The following AMOT variants were observed in gnomAD, a reference collection of about 807,000 sequenced individuals.
The protein encoded by AMOT is angiomotin.
In AMOT, 11 loss-of-function variants were observed where a neutral mutation model predicts 67.0. The observed-to-expected ratio is 0.16, with a 90% CI of 0.10 to 0.27. The LOEUF is 0.27. Among genes scored for constraint, AMOT ranks in the 10% least tolerant of loss-of-function variants. The probability of loss-of-function intolerance (pLI) is 1.00; values close to 1 mark genes in which losing one functional copy is unlikely to be tolerated. For synonymous variants in AMOT, 326 were observed against 321.4 expected (o/e 1.01, Z -0.15); for missense variants, 753 against 852.0 (o/e 0.88, Z 1.45).
intron 1 of AMOT, among the ~76,000 whole-genome samples, chrX:112,838,455 C>A: frequency 8.9e-6 from 1 of 111,812 alleles, no homozygotes; most frequent in Non-Finnish European, 1.9e-5. Flanking sequence ...AATTCTGGCA[C>A]TCAATGGGAC....
chrX:112,835,549 G>C (rs1388558205), intron 1 of AMOT, among the ~76,000 whole-genome samples: 4 of 107,905 alleles, frequency 3.7e-5, no homozygotes, highest in Non-Finnish European at 7.6e-5. Flanking sequence ...TCTAATTTAT[G>C]ATGAGCCACT....
intron 2 of AMOT, among the ~76,000 whole-genome samples, chrX:112,829,617 G>A (rs927654182): frequency 8.9e-6 from 1 of 112,212 alleles, no homozygotes; most frequent in Admixed American, 9.4e-5. Context: ...ATTAGATTAG[G>A]TTGAAAAATT....
intron 8 of AMOT, 49 bp downstream of exon 8, chrX:112,804,898 T>TTGCCCCCCCCCCCCCC: frequency 7.2e-6 from 6 of 837,573 alleles, no homozygotes; most frequent in African/African-American, 2.0e-5. Context: ...GTCCCCGATT[T>TTGCCCCCCCCCCCCCC]CCCAGCCCTC....
chrX:112,812,951 G>A (rs986453959), intron 5 of AMOT, among the ~76,000 whole-genome samples: 7 of 112,993 alleles, frequency 6.2e-5, no homozygotes, highest in Non-Finnish European at 1.1e-4. Flanking sequence ...TAGCAGCACA[G>A]AAGGTGAAAA....
At chrX:112,779,742 T>C (rs1933076324) in intron 12 of AMOT, 62 bp from the exon 13 acceptor site, 5 of 733,540 alleles carry the variant, frequency 6.8e-6, no homozygotes, top group African/African-American at 2.2e-5. Context: ...AGACATCTAA[T>C]TACCTGTTCT....
At chrX:112,798,771 TGA>T (rs1459266404) in intron 8 of AMOT, among the ~76,000 whole-genome samples, 2 of 112,122 alleles carry the variant, frequency 1.8e-5, no homozygotes, top group African/African-American at 6.5e-5. Flanking sequence ...ATCATAAAAT[TGA>T]GAGGAAGAAC....
chrX:112,804,227 T>A (rs1292694267), intron 8 of AMOT, among the ~76,000 whole-genome samples: 1 of 111,646 alleles, frequency 9.0e-6, no homozygotes, highest in Non-Finnish European at 1.9e-5. Context: ...ACAAGTCCAT[T>A]CCTCCACGTA....
rs1934740700 is a variant in AMOT, at chrX:112,822,408, G to T, written c.719C>A (p.Pro240Gln). The T allele has an allele frequency of 8.6e-7, 1 of 1,166,110 alleles. No individual in the cohort carries two copies. The highest frequency in any genetic ancestry group is 1.8e-5 in the African/African-American group (1 of 55,744). Reference protein sequence around the residue: ...LKGMEHRGPPPEYPFKGMPPQ... With the variant: ...LKGMEHRGPPQEYPFKGMPPQ... ...TGGCATGCCCTTGAAGGGATATTCT[G>T]GTGGGGGGCCTCGGTGTTCCATGCC... Residue 240 changes from proline (P) to glutamine (Q), a missense_variant, in exon 4 of 14, where the codon CCA becomes CAA. Transcript: ENST00000371959.
intron 5 of AMOT, among the ~76,000 whole-genome samples, chrX:112,814,922 G>A (rs144830401): frequency 0.014 from 1,524 of 111,872 alleles, 33 homozygotes; most frequent in African/African-American, 0.046. Context: ...TAGCTGGTGA[G>A]ATTTTTCTAG....
At chrX:112,807,269 T>A (rs1268374467) in intron 7 of AMOT, among the ~76,000 whole-genome samples, 1 of 110,544 alleles carries the variant, frequency 9.0e-6, no homozygotes, top group Non-Finnish European at 1.9e-5. Context: ...ACTAAAAGAC[T>A]GAGACCTAAT....
In AMOT at chrX:112,827,191, T is replaced by G. The variant is rs755671054; in HGVS notation, c.-211-1971A>C. ...CCTTTTCAAAACCCAAATCACTTTA[T>G]GTTAACTGGACACAGATCGTTCCCC... On this transcript the variant is annotated intron_variant, in intron 2 of 13. Transcript: ENST00000371959. 1.8e-3 allele frequency among the ~76,000 whole-genome samples: 208 copies of G among 112,728 alleles called. 3 individuals are homozygous for G. Among genetic ancestry groups the G allele is most frequent in the Non-Finnish European group, 4.1e-4 (22 of 53,363 alleles).
At chrX:112,807,087 C>T (rs1176344603) in intron 7 of AMOT, among the ~76,000 whole-genome samples, 2 of 111,215 alleles carry the variant, frequency 1.8e-5, no homozygotes, top group Admixed American at 9.6e-5. Flanking sequence ...TGTTTGTTTC[C>T]AGAGCCTAAC....
At chrX:112,839,830 C>T (rs1376560381) in intron 1 of AMOT, among the ~76,000 whole-genome samples, 1 of 110,722 alleles carries the variant, frequency 9.0e-6, no homozygotes, top group East Asian at 2.8e-4. Context: ...CCCTCAAGAT[C>T]CCCCAAAACT....
chrX:112,822,684 G>A lies in AMOT; in HGVS notation c.443C>T (p.Ser148Leu). 1 of 1,166,671 alleles carries A rather than the reference G, an allele frequency of 8.6e-7. No homozygotes were observed. The highest frequency in any genetic ancestry group is 1.1e-6 in the Non-Finnish European group (1 of 873,014). Residue 148 changes from serine to leucine, a missense_variant, in exon 4 of 14, where the codon TCA (serine) becomes TTA (leucine). Around this residue, in one of 5 missense-constraint regions of AMOT, gnomAD observed 118 missense variants for 125.9 expected, o/e 0.94. Transcript: ENST00000371959. ...CTTTCCAGGATTGAGCCGCTGAACTGATGGGCGTCCCTCAGTCCTCATCTT... is the reference window on the plus strand; with the variant it reads ...CTTTCCAGGATTGAGCCGCTGAACTAATGGGCGTCCCTCAGTCCTCATCTT... The part of the protein sequence containing the change: ...NQKMRTEGRP[S>L]VQRLNPGKMH...
chrX:112,815,795 AC>A lies in AMOT; in HGVS notation c.954del (p.Ser319ProfsTer56). The A allele has an allele frequency of 8.6e-7, 1 of 1,165,475 alleles. No homozygotes were observed. The highest frequency in any genetic ancestry group is 1.1e-6 in the Non-Finnish European group (1 of 872,510). ...HSPTSSLTSG[G>X]SLPLLQSPPS... ...GGTGGAGATTGTAGCAAGGGCAAGG[AC>A]CCCCCAGAGGTCAGAGAAGAAGTAG... On this transcript the variant is annotated frameshift_variant, in exon 5 of 14. Coordinates refer to ENST00000371959, the MANE Select transcript of AMOT (RefSeq NM_001113490.2). LOFTEE classifies it high-confidence loss of function.
chrX:112,837,427 G>A (rs929390358), intron 1 of AMOT, among the ~76,000 whole-genome samples: 1 of 112,189 alleles, frequency 8.9e-6, no homozygotes, highest in Non-Finnish European at 1.9e-5. Flanking sequence ...CACTAACTAG[G>A]AAAGCTAGTA....
At chrX:112,801,502 T>C (rs937337528) in intron 8 of AMOT, among the ~76,000 whole-genome samples, 1 of 111,234 alleles carries the variant, frequency 9.0e-6, no homozygotes, top group African/African-American at 3.3e-5. Context: ...GCAAGATACC[T>C]CCTTCCTGGA....
intron 4 of AMOT, among the ~76,000 whole-genome samples, chrX:112,821,384 T>C (rs1934711367): frequency 9.0e-6 from 1 of 111,610 alleles, no homozygotes; most frequent in Non-Finnish European, 1.9e-5. Context: ...GTGGAAATAC[T>C]ACTGATCAGA....
chrX:112,840,249 G>A (rs1251965668), intron 1 of AMOT, among the ~76,000 whole-genome samples: 3 of 111,447 alleles, frequency 2.7e-5, no homozygotes, highest in African/African-American at 9.8e-5. Context: ...CACCGAAGTA[G>A]GACGGGAAAG....
Sources: gnomAD v4.1 joint callset for allele counts (sites outside exome capture counted in the v4.1 genomes callset) on GRCh38, gnomAD v4.1.1 for gene constraint, gnomAD v4.1.1 regional missense constraint, MANE v1.5 for transcripts, NCBI Gene and HGNC (gene_info 2026-07-23, HGNC 2026-07-21) for gene names.